PAX8: variants seen among roughly 807,000 people sequenced by gnomAD.
The protein encoded by PAX8 is paired box protein Pax-8.
Under a neutral mutation model 52.4 loss-of-function variants are expected in PAX8, and 15 were observed. That is an observed-to-expected ratio of 0.29 (90% confidence interval 0.19 to 0.44). PAX8 has a LOEUF of 0.44. Ranked by LOEUF, PAX8 falls within the 20% of genes least tolerant of loss-of-function variation. PAX8 has a pLI of 1.00. For missense variants in PAX8, 554 were observed against 602.5 expected, an observed-to-expected ratio of 0.92 and a Z score of 0.84; for synonymous variants, 284 against 249.7, an observed-to-expected ratio of 1.14 and a Z score of -1.29.
intron 2 of PAX8, among the ~76,000 whole-genome samples, chr2:113,251,987 T>A (rs1421037802): frequency 6.6e-6 from 1 of 152,218 alleles, no homozygotes; most frequent in Admixed American, 6.5e-5. Flanking sequence ...TTACATTGGT[T>A]ATGGTTGTTG....
chr2:113,233,345 A>AC (rs70937210), intron 9 of PAX8, among the ~76,000 whole-genome samples: 285 of 147,768 alleles, frequency 1.9e-3, no homozygotes, highest in African/African-American at 6.8e-3. Context: ...AAAAAAAAAA[A>AC]CCCGGGTGCC....
chr2:113,242,895 C>A, intron 4 of PAX8, 117 bp from the exon 5 acceptor site: 2 of 747,846 alleles, frequency 2.7e-6, no homozygotes, highest in Non-Finnish European at 4.9e-6. Context: ...GCACTTGAAA[C>A]TCAACTGTCC....
intron 2 of PAX8, among the ~76,000 whole-genome samples, chr2:113,252,134 A>T (rs948246050): frequency 6.6e-6 from 1 of 152,184 alleles, no homozygotes; most frequent in African/African-American, 2.4e-5. Context: ...GTTCTGCAAA[A>T]ATTTCCACTT....
chr2:113,256,521 A>G (rs1041603480), intron 2 of PAX8, among the ~76,000 whole-genome samples: 63 of 152,000 alleles, frequency 4.1e-4, no homozygotes, highest in African/African-American at 1.4e-3. Flanking sequence ...TTAAACTTCT[A>G]CTACTTGCCG....
chr2:113,235,591 G>T lies in PAX8; in HGVS notation c.899-9C>A, dbSNP rs1351431704. 2 of 1,603,052 alleles carry T rather than the reference G, an allele frequency of 1.2e-6. No individual in the cohort carries two copies. The highest frequency in any genetic ancestry group is 1.7e-6 in the Non-Finnish European group (2 of 1,172,680). On this transcript the variant is annotated splice_polypyrimidine_tract_variant and intron_variant, in intron 8 of 11. Coordinates refer to ENST00000429538, the MANE Select transcript of PAX8 (RefSeq NM_003466.4). The stretch of plus-strand genomic sequence containing the variant: ...GAAGGGTGAGTGAGGATCTGCCGGA[G>T]GGAGGGAGACAACAAGGAGAGAGGG...
chr2:113,218,620 T>G lies in PAX8; in HGVS notation c.1277-11A>C. On this transcript the variant is annotated splice_polypyrimidine_tract_variant and intron_variant, in intron 11 of 11. Coordinates refer to ENST00000429538, the MANE Select transcript of PAX8 (RefSeq NM_003466.4). ...AATAATATGGGGAACCTGGACACAT[T>G]AAAAAAAAATAACAACAACACTGCT... 1 of 1,442,388 alleles carries G rather than the reference T, an allele frequency of 6.9e-7. No homozygotes were observed. Among genetic ancestry groups the G allele is most frequent in the South Asian group, 1.3e-5 (1 of 76,828 alleles). The allele number at this position is 1,442,388 out of a possible 1,614,324, so 89.3% of individuals were successfully genotyped here. A position where few individuals can be genotyped will look rare whatever the true frequency, so the allele number is the denominator to read the frequency against.
At chr2:113,249,081 C>T (rs1018235052) in intron 2 of PAX8, among the ~76,000 whole-genome samples, 2 of 152,254 alleles carry the variant, frequency 1.3e-5, no homozygotes, top group Non-Finnish European at 2.9e-5. Flanking sequence ...GACCCATCTT[C>T]CTGGTGGACA....
intron 9 of PAX8, 118 bp from the exon 10 acceptor site, chr2:113,227,374 C>A: frequency 1.2e-6 from 1 of 826,634 alleles, no homozygotes; most frequent in Non-Finnish European, 2.0e-6. Context: ...AGCCATTCTC[C>A]AAACCCACTT....
rs374340262 is a variant in PAX8 at position 113,218,567 on chromosome 2, G to A, written c.1319C>T (p.Pro440Leu). The A allele has an allele frequency of 4.5e-6, 7 of 1,559,182 alleles. No individual in the cohort carries two copies. The highest frequency in any genetic ancestry group is 1.2e-5 in the South Asian group (1 of 84,222). ...GTCAAAGGCCGTGGCAGTGGTGGGC[G>A]GTGCACTCGGCCTTGATGTGGAACT... Reference protein sequence around the residue: ...YYSSTSRPSAPPTTATAFDHL With the variant: ...YYSSTSRPSALPTTATAFDHL The change falls in exon 12 of 12, where the codon CCG (proline) becomes CTG (leucine). Residue 440 changes from proline (P) to leucine (L), a missense_variant. Pro to Leu is a moderately conservative substitution (Grantham distance 98). Around this residue, in one of 2 missense-constraint regions of PAX8, gnomAD observed 445 missense variants for 409.9 expected, o/e 1.09. Transcript: ENST00000429538.
chr2:113,218,557 A>G lies in PAX8; in HGVS notation c.1329T>C (p.Thr443=). 1.3e-6 allele frequency: 2 copies of G among 1,557,634 alleles called. No individual in the cohort carries two copies. The highest frequency in any genetic ancestry group is 1.7e-6 in the Non-Finnish European group (2 of 1,150,312). The change falls in exon 12 of 12, where the codon ACT becomes ACC. Residue 443 remains threonine, a synonymous_variant. Transcript: ENST00000429538. ...STSRPSAPPT[T]ATAFDHL ...ACTACAGATGGTCAAAGGCCGTGGC[A>G]GTGGTGGGCGGTGCACTCGGCCTTG... is the stretch of plus-strand genomic sequence containing the variant.
chr2:113,220,197 G>A lies in PAX8; in HGVS notation c.1190-19C>T. The A allele has an allele frequency of 3.2e-6, 5 of 1,581,544 alleles. No homozygotes were observed. The highest frequency in any genetic ancestry group is 4.3e-6 in the Non-Finnish European group (5 of 1,150,706). ...TCACTTCCTGTTGGAGGCACACAGG[G>A]GAGAGGCCTGTGAGGTGAAGGGCAT... On this transcript the variant is annotated intron_variant, in intron 10 of 11. Transcript: ENST00000429538.
Position 113,242,791 on chromosome 2 carries a change from G to C in PAX8, c.390-13C>G. The C allele has an allele frequency of 1.0e-5, 16 of 1,605,566 alleles. No homozygotes were observed. The highest frequency in any genetic ancestry group is 1.3e-5 in the Non-Finnish European group (15 of 1,172,242). ...GGTCCGGATGATTCTGTGATGAAGA[G>C]AAGAAAGGCCATGAGAGAGAAGAGG... On this transcript the variant is annotated splice_polypyrimidine_tract_variant and intron_variant, in intron 4 of 11. Transcript: ENST00000429538.
chr2:113,258,197 C>T (rs529630740), intron 2 of PAX8, among the ~76,000 whole-genome samples: 1 of 152,326 alleles, frequency 6.6e-6, no homozygotes, highest in South Asian at 2.1e-4. Context: ...CCTAATTTTT[C>T]CTTTTTAAAT....
intron 10 of PAX8, among the ~76,000 whole-genome samples, chr2:113,221,046 C>T (rs1458382063): frequency 6.6e-6 from 1 of 152,174 alleles, no homozygotes. Context: ...TTGTAAAGCA[C>T]TTTCCCATAC....
At chr2:113,224,231 T>A (rs1243177893) in intron 10 of PAX8, among the ~76,000 whole-genome samples, 2 of 151,632 alleles carry the variant, frequency 1.3e-5, no homozygotes, top group African/African-American at 4.9e-5. Context: ...GATAGATAAC[T>A]GAAAAGACAG....
chr2:113,222,758 C>T (rs1282464454), intron 10 of PAX8, among the ~76,000 whole-genome samples: 5 of 152,220 alleles, frequency 3.3e-5, no homozygotes, highest in Middle Eastern at 3.4e-3. Context: ...TGGTCTCTGC[C>T]TTCACCTTCT....
At chr2:113,224,846 TAAAATAAA>T (rs1365786566) in intron 10 of PAX8, among the ~76,000 whole-genome samples, 16 of 15,816 alleles carry the variant, frequency 1.0e-3, no homozygotes, top group Admixed American at 4.4e-3. Context: ...AAATATAAAA[TAAAATAAA>T]ATAAAATAAA....
chr2:113,259,986 A>C (rs1405029000), intron 2 of PAX8, among the ~76,000 whole-genome samples: 1 of 152,196 alleles, frequency 6.6e-6, no homozygotes, highest in African/African-American at 2.4e-5. Flanking sequence ...AAGTTACTGC[A>C]CTACACCCTC....
At chr2:113,237,193 C>T (rs1050403121) in intron 7 of PAX8, 1 of 156,744 alleles carries the variant, frequency 6.4e-6, no homozygotes, top group Non-Finnish European at 1.4e-5. Flanking sequence ...GATTCAGATT[C>T]GAGGGATCAG....
Sources: allele counts gnomAD v4.1 joint callset (sites outside exome capture counted in the v4.1 genomes callset), GRCh38; gene constraint gnomAD v4.1.1; regional missense constraint gnomAD v4.1.1; transcripts MANE v1.5; gene names NCBI Gene and HGNC (gene_info 2026-07-23, HGNC 2026-07-21).